Variants in ERG observed in about 807,000 individuals in gnomAD.
The protein encoded by ERG is transcriptional regulator ERG.
Under a neutral mutation model 55.3 loss-of-function variants are expected in ERG, and 9 were observed. That is an observed-to-expected ratio of 0.16 (90% CI 0.10 to 0.28). ERG has a LOEUF of 0.28. Among genes scored for constraint, ERG ranks in the 10% least tolerant of loss-of-function variants. ERG has a pLI of 1.00. For missense variants in ERG, 434 were observed against 631.6 expected (o/e 0.69, Z 3.35); for synonymous variants, 223 against 237.3 (o/e 0.94, Z 0.55).
intron 1 of ERG, among the ~76,000 whole-genome samples, chr21:38,477,683 G>C (rs954425972): frequency 6.6e-6 from 1 of 152,158 alleles, no homozygotes; most frequent in Non-Finnish European, 1.5e-5. Context: ...TTATGGACAT[G>C]ATACTAACAA....
At chr21:38,485,461 C>CTTT (rs34211335) in intron 1 of ERG, among the ~76,000 whole-genome samples, 9 of 130,388 alleles carry the variant, frequency 6.9e-5, no homozygotes, top group South Asian at 2.5e-4. Flanking sequence ...AATATACAGT[C>CTTT]TTTTTTTTTT....
At chr21:38,533,525 A>G (rs950055522) in intron 2 of ERG, among the ~76,000 whole-genome samples, 3 of 152,192 alleles carry the variant, frequency 2.0e-5, no homozygotes, top group African/African-American at 7.2e-5. Flanking sequence ...AAAGGCATTC[A>G]GTTTAAATTA....
At chr21:38,658,443 C>G (rs1356362504) in intron 1 of ERG, among the ~76,000 whole-genome samples, 2 of 152,188 alleles carry the variant, frequency 1.3e-5, no homozygotes, top group African/African-American at 4.8e-5. Context: ...ATGACCGGGA[C>G]TGACTTGCTA....
chr21:38,546,675 G>T (rs981961035), intron 2 of ERG, among the ~76,000 whole-genome samples: 1 of 152,144 alleles, frequency 6.6e-6, no homozygotes, highest in African/African-American at 2.4e-5. Flanking sequence ...TGGAGGTAGC[G>T]CTAAGAAACA....
chr21:38,626,055 G>A (rs530451375), intron 1 of ERG, among the ~76,000 whole-genome samples: 17 of 151,456 alleles, frequency 1.1e-4, no homozygotes, highest in Admixed American at 2.6e-4. Context: ...CTGAGTAGCT[G>A]GGCCTACAGG....
At chr21:38,610,526 C>T (rs464473) in intron 1 of ERG, among the ~76,000 whole-genome samples, 16,399 of 150,384 alleles carry the variant, frequency 0.11, 1,166 homozygotes, top group East Asian at 0.26. Flanking sequence ...CGCGCACGCG[C>T]GTGTGTGTGT....
chr21:38,654,696 C>T (rs2060508367), intron 1 of ERG, among the ~76,000 whole-genome samples: 1 of 152,168 alleles, frequency 6.6e-6, no homozygotes. Context: ...GTAAGTTTTA[C>T]TGTCGGGGTC....
At chr21:38,482,153 C>T (rs1899450199) in intron 1 of ERG, among the ~76,000 whole-genome samples, 1 of 152,212 alleles carries the variant, frequency 6.6e-6, no homozygotes. Flanking sequence ...CGGCAGCACT[C>T]ATTAGATTCT....
chr21:38,621,308 A>G (rs2060288808), intron 1 of ERG, among the ~76,000 whole-genome samples: 1 of 152,230 alleles, frequency 6.6e-6, no homozygotes, highest in East Asian at 1.9e-4. Flanking sequence ...CTGGCAGTAG[A>G]GAGCGCACTT....
At chr21:38,644,699 T>C (rs528128947) in intron 1 of ERG, among the ~76,000 whole-genome samples, 8 of 150,978 alleles carry the variant, frequency 5.3e-5, no homozygotes, top group African/African-American at 1.9e-4. Flanking sequence ...ATCAATTAAA[T>C]ATTTTGGGGG....
intron 1 of ERG, among the ~76,000 whole-genome samples, chr21:38,640,730 A>G (rs1296455625): frequency 6.6e-6 from 1 of 152,196 alleles, no homozygotes; most frequent in Non-Finnish European, 1.5e-5. Context: ...AGTCTCAGGT[A>G]CATCTTTATC....
the ERG span, among the ~76,000 whole-genome samples, chr21:38,370,933 T>TA: frequency 6.5e-3 from 937 of 144,864 alleles, 10 homozygotes; most frequent in African/African-American, 0.022. Flanking sequence ...AAACAGCTTG[T>TA]AAAAAAAAAA....
intron 3 of ERG, among the ~76,000 whole-genome samples, chr21:38,406,714 A>T (rs935984268): frequency 6.6e-6 from 1 of 152,124 alleles, no homozygotes; most frequent in Non-Finnish European, 1.5e-5. Context: ...CTGGGAACAG[A>T]CTTTCTTCTC....
intron 1 of ERG, among the ~76,000 whole-genome samples, chr21:38,608,562 G>A (rs1377584955): frequency 6.6e-6 from 1 of 152,204 alleles, no homozygotes; most frequent in African/African-American, 2.4e-5. Flanking sequence ...AAGTAGACAA[G>A]CAATTAGTAC....
intron 1 of ERG, among the ~76,000 whole-genome samples, chr21:38,619,053 A>G (rs927764594): frequency 1.6e-4 from 25 of 152,154 alleles, no homozygotes. Context: ...AGTCTGTCAG[A>G]CACCTCACAT....
rs1223287198 is a variant in ERG, at chr21:38,461,993, CTTTTTT to C, written c.19-16378_19-16373del. Among the ~76,000 whole-genome samples, 6 of 149,558 alleles carry C rather than the reference CTTTTTT, an allele frequency of 4.0e-5. No individual in the cohort carries two copies. The East Asian group carries it at 1.2e-3, about 29-fold the overall frequency. On this transcript the variant is annotated intron_variant, in intron 1 of 9. Transcript: ENST00000288319. ...CTAATTTTTTTTTCTTTTTCTTTTTCTTTTTTGAGACGGAGTCTCGCCCTGTTGCCC... is the reference window on the plus strand; with the variant it reads ...CTAATTTTTTTTTCTTTTTCTTTTTCGAGACGGAGTCTCGCCCTGTTGCCC...
intron 2 of ERG, among the ~76,000 whole-genome samples, chr21:38,518,236 GTATC>G (rs71330332): frequency 0.51 from 73,501 of 145,146 alleles, 18,654 homozygotes; most frequent in East Asian, 0.53. Flanking sequence ...GTGTGTGTGT[GTATC>G]TATCTATCTA....
intron 2 of ERG, among the ~76,000 whole-genome samples, chr21:38,572,567 C>A (rs2059965764): frequency 6.6e-6 from 1 of 151,964 alleles, no homozygotes; most frequent in Non-Finnish European, 1.5e-5. Flanking sequence ...AAAAGAATTA[C>A]AAAAATAATT....
intron 2 of ERG, among the ~76,000 whole-genome samples, chr21:38,562,882 C>T (rs2059901436): frequency 6.6e-6 from 1 of 152,072 alleles, no homozygotes; most frequent in African/African-American, 2.4e-5. Context: ...CGTGTTTGTT[C>T]TTATTCCTGG....
Sources: gnomAD v4.1 joint callset for allele counts (sites outside exome capture counted in the v4.1 genomes callset) on GRCh38, gnomAD v4.1.1 for gene constraint, MANE v1.5 for transcripts, NCBI Gene and HGNC (gene_info 2026-07-23, HGNC 2026-07-21) for gene names.